LYPLAL1: variants seen among roughly 807,000 people sequenced by gnomAD.
LYPLAL1 encodes the protein lysophospholipase-like protein 1.
LYPLAL1 carries 23 observed loss-of-function variants against 19.7 expected under a neutral mutation model. The ratio of observed to expected loss-of-function variants is 1.17; its 90% CI spans 0.84 to 1.65. The LOEUF is 1.65. LYPLAL1 is among the 40% of genes most tolerant of loss of function. The pLI is 0.00. For synonymous variants in LYPLAL1, 119 were observed against 96.3 expected, an observed-to-expected ratio of 1.24 and a Z score of -1.38; for missense variants, 355 against 279.4, an observed-to-expected ratio of 1.27 and a Z score of -1.93.
At chr1:219,413,910 A>C in the LYPLAL1 span, among the ~76,000 whole-genome samples, 6 of 152,242 alleles carry the variant, frequency 3.9e-5, no homozygotes, top group African/African-American at 1.4e-4. Flanking sequence ...AGTTTATAGT[A>C]TAATATAAAT....
chr1:219,339,674 C>T, the LYPLAL1 span, among the ~76,000 whole-genome samples: 2 of 151,918 alleles, frequency 1.3e-5, no homozygotes, highest in East Asian at 1.9e-4. Flanking sequence ...CCATTTCTAG[C>T]TTAGAGGTCT....
chr1:219,302,353 C>A, the LYPLAL1 span, among the ~76,000 whole-genome samples: 1 of 152,142 alleles, frequency 6.6e-6, no homozygotes, highest in African/African-American at 2.4e-5. Flanking sequence ...GTATAGAATA[C>A]CACTCCAGGC....
At chr1:219,424,337 C>G in the LYPLAL1 span, among the ~76,000 whole-genome samples, 4 of 152,148 alleles carry the variant, frequency 2.6e-5, no homozygotes, top group Non-Finnish European at 5.9e-5. Flanking sequence ...AATCAAATTT[C>G]AAATGGCTTA....
chr1:219,403,907 C>T, the LYPLAL1 span, among the ~76,000 whole-genome samples: 1 of 152,026 alleles, frequency 6.6e-6, no homozygotes, highest in Non-Finnish European at 1.5e-5. Flanking sequence ...AACAAAATAC[C>T]GTAGGCTGGG....
chr1:219,174,775 G>T (rs1447405434), intron 1 of LYPLAL1, among the ~76,000 whole-genome samples: 1 of 152,192 alleles, frequency 6.6e-6, no homozygotes, highest in Non-Finnish European at 1.5e-5. Context: ...CCCAGGGTAA[G>T]CTCTCAGGAA....
the LYPLAL1 span, among the ~76,000 whole-genome samples, chr1:219,414,845 G>A: frequency 1.3e-5 from 2 of 152,050 alleles, no homozygotes; most frequent in Non-Finnish European, 2.9e-5. Flanking sequence ...TCTGTGCTAG[G>A]CACTGAGGCT....
At chr1:219,206,391 A>T (rs976096622) in intron 3 of LYPLAL1, among the ~76,000 whole-genome samples, 9 of 151,774 alleles carry the variant, frequency 5.9e-5, no homozygotes, top group Non-Finnish European at 1.5e-5. Context: ...CATTTTTTAG[A>T]CTCTTAGGTG....
At chr1:219,236,690 C>G in the LYPLAL1 span, among the ~76,000 whole-genome samples, 1 of 152,076 alleles carries the variant, frequency 6.6e-6, no homozygotes, top group African/African-American at 2.4e-5. Context: ...GTTGGATAGT[C>G]TACTTGAACT....
At chr1:219,210,360 G>A (rs1282805037) in intron 3 of LYPLAL1, 172 bp from the exon 4 acceptor site, 5 of 449,180 alleles carry the variant, frequency 1.1e-5, no homozygotes, top group African/African-American at 8.0e-5. Flanking sequence ...AGGGAACAGG[G>A]TTATTTATGT....
the LYPLAL1 span, among the ~76,000 whole-genome samples, chr1:219,379,220 G>A: frequency 6.6e-6 from 1 of 152,164 alleles, no homozygotes; most frequent in Non-Finnish European, 1.5e-5. Context: ...CATCAGCAAT[G>A]TCATTGCTCC....
At chr1:219,433,395 C>T in the LYPLAL1 span, among the ~76,000 whole-genome samples, 2 of 152,166 alleles carry the variant, frequency 1.3e-5, no homozygotes, top group Non-Finnish European at 2.9e-5. Flanking sequence ...TCCTTACAGA[C>T]AGAAACTGGC....
intron 2 of LYPLAL1, among the ~76,000 whole-genome samples, chr1:219,184,609 T>A (rs1179506783): frequency 9.9e-5 from 15 of 151,912 alleles, no homozygotes. Context: ...TGCCTTTTTT[T>A]TATATTGAGG....
chr1:219,322,775 C>T, the LYPLAL1 span, among the ~76,000 whole-genome samples: 1 of 152,040 alleles, frequency 6.6e-6, no homozygotes, highest in African/African-American at 2.4e-5. Context: ...TCTGTTGTTC[C>T]TGTTCTTTCA....
chr1:219,242,722 A>AAT, the LYPLAL1 span, among the ~76,000 whole-genome samples: 1 of 150,400 alleles, frequency 6.6e-6, no homozygotes. Flanking sequence ...ATATATAATT[A>AAT]ATATATATAA....
intron 2 of LYPLAL1, among the ~76,000 whole-genome samples, chr1:219,180,739 T>G (rs1396879863): frequency 6.6e-6 from 1 of 152,222 alleles, no homozygotes; most frequent in East Asian, 1.9e-4. Context: ...ACTGAAAACC[T>G]TATTCTAGGA....
At chr1:219,411,365 G>A in the LYPLAL1 span, among the ~76,000 whole-genome samples, 14 of 152,258 alleles carry the variant, frequency 9.2e-5, no homozygotes, top group Admixed American at 3.3e-4. Flanking sequence ...CAGGGTTTGT[G>A]AATGCACCAA....
chr1:219,376,366 A>G, the LYPLAL1 span, among the ~76,000 whole-genome samples: 1 of 152,234 alleles, frequency 6.6e-6, no homozygotes, highest in Admixed American at 6.5e-5. Flanking sequence ...ATAAAAGCAA[A>G]AATTATAAAA....
At chr1:219,442,434 G>A in the LYPLAL1 span, 4 of 152,228 alleles carry the variant, frequency 2.6e-5, no homozygotes, top group Admixed American at 2.6e-4. Context: ...CTCAGCCACA[G>A]GTGAGATATT....
the LYPLAL1 span, among the ~76,000 whole-genome samples, chr1:219,387,265 A>G: frequency 2.6e-5 from 4 of 152,222 alleles, no homozygotes; most frequent in African/African-American, 7.2e-5. Context: ...TTTTAAAGCT[A>G]TAAGTCTCAT....
Sources: allele counts gnomAD v4.1 joint callset (sites outside exome capture counted in the v4.1 genomes callset), GRCh38; gene constraint gnomAD v4.1.1; transcripts MANE v1.5; gene names NCBI Gene and HGNC (gene_info 2026-07-23, HGNC 2026-07-21).